Variants in CAPN2 observed in about 807,000 individuals in gnomAD.
The protein encoded by CAPN2 is calpain 2.
In CAPN2, 92 loss-of-function variants were observed where a neutral mutation model predicts 102.3. That is an observed-to-expected ratio of 0.90 (90% CI 0.76 to 1.07). The LOEUF (loss-of-function observed/expected upper bound fraction) is 1.07. Ranked by LOEUF, CAPN2 falls within the 50% of genes least tolerant of loss-of-function variation. CAPN2 has a pLI of 0.00. For missense variants in CAPN2, 800 were observed against 909.4 expected, an observed-to-expected ratio of 0.88 and a Z score of 1.55; for synonymous variants, 340 against 355.4, an observed-to-expected ratio of 0.96 and a Z score of 0.49.
intron 2 of CAPN2, among the ~76,000 whole-genome samples, chr1:223,719,811 T>TGC (rs199600769): frequency 0.12 from 17,394 of 150,020 alleles, 1,470 homozygotes; most frequent in African/African-American, 0.21. Context: ...TGTGCGTGTG[T>TGC]GTGTGTGTGT....
upstream of CAPN2, among the ~76,000 whole-genome samples, chr1:223,711,692 C>T (rs1657782924): frequency 6.6e-6 from 1 of 152,228 alleles, no homozygotes; most frequent in Non-Finnish European, 1.5e-5. Context: ...CTCACTGCAA[C>T]TTCTCCCTCC....
Position 223,754,444 on chromosome 1 carries a change from A to T in CAPN2, c.1136-1036A>T, listed in dbSNP as rs1660978671. Among the ~76,000 whole-genome samples, 1 of 152,226 alleles carries T rather than the reference A, an allele frequency of 6.6e-6. No individual in the cohort carries two copies. Among genetic ancestry groups the T allele is most frequent in the South Asian group, 2.1e-4 (1 of 4,836 alleles). ...CTTTGTGGGCCACTCAGTCTCTATAACAACAACTCTATTGCTATAACCCAA... is the reference window on the plus strand; with the variant it reads ...CTTTGTGGGCCACTCAGTCTCTATATCAACAACTCTATTGCTATAACCCAA... On this transcript the variant is annotated intron_variant, in intron 9 of 20. Coordinates refer to ENST00000295006, the MANE Select transcript of CAPN2 (RefSeq NM_001748.5). The surrounding 1 kb of genome is among the most constrained non-coding windows in gnomAD (Gnocchi z 4.7).
upstream of CAPN2, chr1:223,712,336 C>G: frequency 1.7e-6 from 1 of 602,106 alleles, no homozygotes; most frequent in Non-Finnish European, 2.1e-6. Flanking sequence ...CGCGAGCCTC[C>G]CCGGCGCCGG....
At position 223,771,903 on chromosome 1, in the gene CAPN2, G is replaced by A; in HGVS notation, c.1998G>A (p.Leu666=). The A allele has an allele frequency of 1.2e-6, 2 of 1,613,322 alleles. No individual in the cohort carries two copies. The highest frequency in any genetic ancestry group is 1.7e-6 in the Non-Finnish European group (2 of 1,179,236). ...ATTTTGATAATTTTGTTCGGTGTTT[G>A]GTTCGGCTGGAAACGCTATTCAGTA... ...IIDFDNFVRC[L]VRLETLFKIF... is the part of the protein sequence containing the mutation. The change falls in exon 19 of 21, where the codon TTG becomes TTA. Residue 666 remains leucine, a synonymous_variant. Coordinates refer to ENST00000295006, the MANE Select transcript of CAPN2 (RefSeq NM_001748.5).
intron 19 of CAPN2, 35 bp downstream of exon 19, chr1:223,771,960 T>A: frequency 6.9e-7 from 1 of 1,452,664 alleles, no homozygotes; most frequent in Admixed American, 1.7e-5. Context: ...TCATTTCAGT[T>A]CTCTTGGTAT....
At chr1:223,753,030 G>C in intron 9 of CAPN2, 74 bp downstream of exon 9, 1 of 1,419,062 alleles carries the variant, frequency 7.0e-7, no homozygotes, top group South Asian at 1.2e-5. Context: ...ACCCCACCCT[G>C]TGTACCACAC....
chr1:223,744,263 G>A (rs1195735258), intron 3 of CAPN2, 45 bp downstream of exon 3: 2 of 1,242,562 alleles, frequency 1.6e-6, no homozygotes, highest in African/African-American at 3.0e-5. Flanking sequence ...AGGTCCAGGG[G>A]GCTAGGAACA....
chr1:223,733,044 A>C (rs542811345), intron 2 of CAPN2, among the ~76,000 whole-genome samples: 6 of 152,290 alleles, frequency 3.9e-5, no homozygotes, highest in African/African-American at 1.4e-4. Flanking sequence ...TACTTCACCA[A>C]GCGCAATTCT....
chr1:223,719,832 G>GTGTGTGTGTGTGCA (rs1491536502), intron 2 of CAPN2, among the ~76,000 whole-genome samples: 1 of 122,694 alleles, frequency 8.2e-6, no homozygotes, highest in South Asian at 2.4e-4. Context: ...GTGTGTGTGT[G>GTGTGTGTGTGTGCA]CGCGCGCGCG....
intron 2 of CAPN2, among the ~76,000 whole-genome samples, chr1:223,734,285 G>T (rs1660398790): frequency 6.6e-6 from 1 of 152,162 alleles, no homozygotes; most frequent in African/African-American, 2.4e-5. Context: ...TTTAAAAAAT[G>T]TACTTTCTTT....
At chr1:223,737,446 G>A (rs1055409853) in intron 2 of CAPN2, among the ~76,000 whole-genome samples, 10 of 152,084 alleles carry the variant, frequency 6.6e-5, no homozygotes, top group South Asian at 2.1e-4. Context: ...AGATGTCATC[G>A]GTAGCCACCT....
At chr1:223,747,225 C>G (rs1164518626) in intron 5 of CAPN2, 60 bp downstream of exon 5, 2 of 1,504,590 alleles carry the variant, frequency 1.3e-6, no homozygotes, top group Non-Finnish European at 1.8e-6. Flanking sequence ...GGGAGGCTCC[C>G]ACAGTGCCCA....
chr1:223,744,001 T>C, intron 2 of CAPN2, 99 bp from the exon 3 acceptor site: 1 of 795,570 alleles, frequency 1.3e-6, no homozygotes, highest in Non-Finnish European at 2.2e-6. Flanking sequence ...TATTCACAGG[T>C]TGTCTTAGGC....
At chr1:223,718,735 C>T (rs1391687385) in intron 2 of CAPN2, among the ~76,000 whole-genome samples, 1 of 152,214 alleles carries the variant, frequency 6.6e-6, no homozygotes, top group Non-Finnish European at 1.5e-5. Flanking sequence ...TAGAGTTGTA[C>T]CTCCTGTCCT....
intron 2 of CAPN2, among the ~76,000 whole-genome samples, chr1:223,718,787 A>G (rs1225880169): frequency 6.6e-6 from 1 of 152,168 alleles, no homozygotes; most frequent in Non-Finnish European, 1.5e-5. Flanking sequence ...TACTCCTAAT[A>G]CCAGCTGATA....
intron 1 of CAPN2, among the ~76,000 whole-genome samples, chr1:223,713,481 CT>C (rs1217921505): frequency 6.8e-6 from 1 of 146,632 alleles, no homozygotes. Flanking sequence ...CATGGTTTCC[CT>C]GGCGGGAATC....
chr1:223,739,372 T>C (rs748035983), intron 2 of CAPN2, among the ~76,000 whole-genome samples: 9 of 151,950 alleles, frequency 5.9e-5, no homozygotes, highest in Admixed American at 2.0e-4. Flanking sequence ...TTAGTAAAGA[T>C]GGAGTTTCAC....
intron 16 of CAPN2, 51 bp downstream of exon 16, chr1:223,766,482 C>T (rs758896388): frequency 1.6e-5 from 22 of 1,377,580 alleles, no homozygotes; most frequent in Non-Finnish European, 2.3e-5. Context: ...TTTAAAATCT[C>T]ACTCCAGAAA....
intron 18 of CAPN2, chr1:223,771,372 G>A (rs1661465533): frequency 6.4e-6 from 1 of 157,284 alleles, no homozygotes; most frequent in African/African-American, 2.4e-5. Context: ...TTGATGCTAG[G>A]TGGCCATAGG....
Sources: allele counts gnomAD v4.1 joint callset (sites outside exome capture counted in the v4.1 genomes callset), GRCh38; gene constraint gnomAD v4.1.1; non-coding constraint Gnocchi (gnomAD v3.1); transcripts MANE v1.5; gene names NCBI Gene and HGNC (gene_info 2026-07-23, HGNC 2026-07-21).